Variants in RSPH14 observed in about 807,000 individuals in gnomAD.
RSPH14 encodes the protein rhabdoid tumor deletion region gene 1.
A neutral mutation model predicts 26.7 loss-of-function variants in RSPH14; 20 were observed. The ratio of observed to expected loss-of-function variants is 0.75; its 90% confidence interval spans 0.53 to 1.09. The LOEUF (loss-of-function observed/expected upper bound fraction) is 1.09. Ranked by LOEUF, RSPH14 falls within the 50% of genes least tolerant of loss-of-function variation. RSPH14 has a pLI of 0.00. For missense variants in RSPH14, 449 were observed against 457.2 expected (o/e 0.98, Z 0.16); for synonymous variants, 177 against 189.3 (o/e 0.93, Z 0.53).
upstream of RSPH14, among the ~76,000 whole-genome samples, chr22:23,147,883 A>T (rs1381883536): frequency 6.6e-6 from 1 of 152,240 alleles, no homozygotes; most frequent in African/African-American, 2.4e-5. Flanking sequence ...AGGGCATGGA[A>T]CAGAGTGCAG....
the RSPH14 span, chr22:23,153,692 CTTTTTTTTTTTT>C: frequency 3.7e-6 from 1 of 273,156 alleles, no homozygotes; most frequent in Non-Finnish European, 4.5e-6. Flanking sequence ...CCACTTCTGT[CTTTTTTTTTTTT>C]TTTTTTTTTT....
intron 5 of RSPH14, among the ~76,000 whole-genome samples, chr22:23,063,675 C>T (rs1463552694): frequency 6.6e-6 from 1 of 152,160 alleles, no homozygotes; most frequent in Non-Finnish European, 1.5e-5. Flanking sequence ...AATCATCTGG[C>T]TTTGTCCAGG....
At chr22:23,137,067 C>A (rs760027392) in intron 3 of RSPH14, among the ~76,000 whole-genome samples, 1 of 138,998 alleles carries the variant, frequency 7.2e-6, no homozygotes, top group South Asian at 2.3e-4. Flanking sequence ...CACACATGCA[C>A]GGTTCACACA....
chr22:23,144,092 CAAAAAAA>C (rs35499128), upstream of RSPH14, among the ~76,000 whole-genome samples: 1 of 24,178 alleles, frequency 4.1e-5, no homozygotes, highest in East Asian at 1.0e-3. Context: ...GACTCCATCT[CAAAAAAA>C]AAAAAAAAAA....
chr22:23,114,814 C>T (rs761531480), intron 4 of RSPH14, among the ~76,000 whole-genome samples: 7 of 152,230 alleles, frequency 4.6e-5, no homozygotes, highest in Admixed American at 1.3e-4. Context: ...TTCCCTCCTG[C>T]CTGTCCTCAC....
intron 5 of RSPH14, among the ~76,000 whole-genome samples, chr22:23,063,085 A>C (rs953574919): frequency 5.9e-5 from 9 of 152,014 alleles, no homozygotes; most frequent in African/African-American, 1.7e-4. Context: ...AGAGAGAGAG[A>C]GCTCTCTCCT....
chr22:23,149,626 C>G (rs2070990281), upstream of RSPH14, among the ~76,000 whole-genome samples: 1 of 152,248 alleles, frequency 6.6e-6, no homozygotes, highest in Admixed American at 6.5e-5. Flanking sequence ...CAGCCTCTGT[C>G]TCTTGAGCTG....
rs1185344582 is a variant in RSPH14 at position 23,127,322 on chromosome 22, G to A, written c.421+6704C>T. 2.0e-5 allele frequency among the ~76,000 whole-genome samples: 3 copies of A among 152,266 alleles called. No individual in the cohort carries two copies. In the East Asian group the frequency reaches 5.8e-4, roughly 29 times the overall value. On this transcript the variant is annotated intron_variant, in intron 4 of 6. Coordinates refer to ENST00000216036, the MANE Select transcript of RSPH14 (RefSeq NM_014433.3). ...TGACAGGCCGGGAACCAAGAGGCCA[G>A]AGTGTCCCTATCAGTGACCATCATT...
At chr22:23,137,077 A>G (rs1162361682) in intron 3 of RSPH14, among the ~76,000 whole-genome samples, 1 of 138,964 alleles carries the variant, frequency 7.2e-6, no homozygotes, top group African/African-American at 2.6e-5. Context: ...CGGTTCACAC[A>G]GGGCCGGGGC....
chr22:23,066,925 C>G (rs1569154708), intron 4 of RSPH14, among the ~76,000 whole-genome samples: 1 of 152,138 alleles, frequency 6.6e-6, no homozygotes, highest in Non-Finnish European at 1.5e-5. Flanking sequence ...CAGCTGGGGA[C>G]AGGTCACTAC....
chr22:23,127,566 GGC>G (rs2070216330), intron 4 of RSPH14, among the ~76,000 whole-genome samples: 1 of 152,156 alleles, frequency 6.6e-6, no homozygotes, highest in Non-Finnish European at 1.5e-5. Flanking sequence ...GTCCACGGGT[GGC>G]TGCTGAAGAG....
At chr22:23,130,059 A>AAAAGAAAG (rs200720313) in intron 4 of RSPH14, among the ~76,000 whole-genome samples, 28 of 131,144 alleles carry the variant, frequency 2.1e-4, no homozygotes, top group African/African-American at 8.2e-4. Flanking sequence ...AAGAGAAAGA[A>AAAAGAAAG]AAAGAAAGAA....
rs548840247 is a variant in RSPH14, at chr22:23,072,480, A to G, written c.422-8347T>C. ...AAGACATAATTTCTCCCCCTCGGAA[A>G]TTGGTGTCACTTTCCCCCCTAAGTC... On this transcript the variant is annotated intron_variant, in intron 4 of 6. Transcript: ENST00000216036. Among the ~76,000 whole-genome samples the G allele has an allele frequency of 2.0e-5, 3 of 152,280 alleles. No homozygotes were observed. The South Asian group carries it at 6.2e-4, about 32-fold the overall frequency.
In RSPH14 at chr22:23,123,695, C is replaced by G. The variant is rs1329439876; in HGVS notation, c.421+10331G>C. 6 of 494,448 alleles carry G rather than the reference C, an allele frequency of 1.2e-5. No individual in the cohort carries two copies. The East Asian group carries it at 1.4e-4, about 11-fold the overall frequency. 30.6% of individuals were successfully genotyped at this position (494,448 alleles called of 1,614,324 possible). A position where few individuals can be genotyped will look rare whatever the true frequency, so the allele number is the denominator to read the frequency against. ...CTAAAATGTCGAGGTCTCTTGAAGA[C>G]TTGAGAAGCTGTCACAAGGTCACTA... On this transcript the variant is annotated intron_variant, in intron 4 of 6. Transcript: ENST00000216036.
At chr22:23,128,275 G>A (rs1275797432) in intron 4 of RSPH14, among the ~76,000 whole-genome samples, 2 of 152,144 alleles carry the variant, frequency 1.3e-5, no homozygotes, top group Non-Finnish European at 2.9e-5. Context: ...TCCATTCCTG[G>A]ACTTAGCAGG....
the RSPH14 span, chr22:23,152,890 C>A: frequency 1.5e-6 from 1 of 667,802 alleles, no homozygotes; most frequent in Non-Finnish European, 2.6e-6. Flanking sequence ...GCTGGCTGCC[C>A]TGCCCACCCA....
Position 23,130,138 on chromosome 22 carries a change from A to G in RSPH14, c.421+3888T>C, listed in dbSNP as rs1428269002. Among the ~76,000 whole-genome samples, 298 of 116,514 alleles carry G rather than the reference A, an allele frequency of 2.6e-3. 4 individuals are homozygous for G. Among genetic ancestry groups the G allele is most frequent in the African/African-American group, 8.9e-3 (291 of 32,756 alleles). The allele number at this position is 116,514 out of a possible 152,430, so 76.4% of individuals were successfully genotyped here. ...AAGAAAGAAAGAAAGAAAGAAAGAA[A>G]GAAAGAAAGAAAGAAAGAAAGAAAA... On this transcript the variant is annotated intron_variant, in intron 4 of 6. Transcript: ENST00000216036.
chr22:23,120,998 G>A (rs1377002974), intron 4 of RSPH14, among the ~76,000 whole-genome samples: 2 of 152,200 alleles, frequency 1.3e-5, no homozygotes, highest in Non-Finnish European at 2.9e-5. Context: ...AGTCCTCTAT[G>A]ATGTGGCTTC....
At chr22:23,163,015 G>A in the RSPH14 span, 56 of 293,826 alleles carry the variant, frequency 1.9e-4, 1 homozygote, top group Non-Finnish European at 2.4e-4. Flanking sequence ...AGGTTGAAGC[G>A]ATTCTCCTGC....
Sources: gnomAD v4.1 joint callset for allele counts (sites outside exome capture counted in the v4.1 genomes callset) on GRCh38, gnomAD v4.1.1 for gene constraint, MANE v1.5 for transcripts, NCBI Gene and HGNC (gene_info 2026-07-23, HGNC 2026-07-21) for gene names.